The following EDARADD variants were observed in gnomAD, a reference collection of about 807,000 sequenced individuals.
The protein encoded by EDARADD is ectodysplasin-A receptor-associated adapter protein.
Under a neutral mutation model 25.6 loss-of-function variants are expected in EDARADD, and 20 were observed. That is an observed-to-expected ratio of 0.78 (90% CI 0.55 to 1.14). The LOEUF (loss-of-function observed/expected upper bound fraction) is 1.14, where lower values mean the gene tolerates loss of function less well. Among genes scored for constraint, EDARADD ranks in the 50% most tolerant of loss-of-function variants. The pLI, the probability that EDARADD is intolerant of heterozygous loss-of-function variation, is 0.00. For synonymous variants in EDARADD, 86 were observed against 94.4 expected (o/e 0.91, Z 0.52); for missense variants, 225 against 270.1 (o/e 0.83, Z 1.17).
intron 1 of EDARADD, among the ~76,000 whole-genome samples, chr1:236,399,117 T>C (rs1439152440): frequency 6.6e-6 from 1 of 152,250 alleles, no homozygotes; most frequent in Non-Finnish European, 1.5e-5. Context: ...GATGTTTGTA[T>C]ATCCACGTGC....
chr1:236,429,029 G>A (rs187087613), intron 4 of EDARADD, among the ~76,000 whole-genome samples: 2 of 152,182 alleles, frequency 1.3e-5, no homozygotes, highest in African/African-American at 4.8e-5. Context: ...CCAGGCACTC[G>A]GCAGGCTGAG....
In EDARADD at chr1:236,407,904, G is replaced by A. The variant is rs1667765862; in HGVS notation, c.62-1312G>A. ...TAAAGTATCAGAAACAAAATATTGAGAAATCAAGATTATTTTTGATAAAAA... is the reference window on the plus strand; with the variant it reads ...TAAAGTATCAGAAACAAAATATTGAAAAATCAAGATTATTTTTGATAAAAA... On this transcript the variant is annotated intron_variant, in intron 1 of 5. Coordinates refer to ENST00000334232, the MANE Select transcript of EDARADD (RefSeq NM_145861.4). 2.0e-5 allele frequency among the ~76,000 whole-genome samples: 3 copies of A among 152,178 alleles called. No individual in the cohort carries two copies. The South Asian group carries it at 6.2e-4, about 32-fold the overall frequency.
chr1:236,377,479 GT>G (rs1667236743), intron 3 of EDARADD, among the ~76,000 whole-genome samples: 1 of 150,052 alleles, frequency 6.7e-6, no homozygotes, highest in South Asian at 2.2e-4. Context: ...ATTAATAATA[GT>G]TATTTTAAAT....
rs540758495 is a variant in EDARADD, at chr1:236,365,415, C to T, written c.-6+14576C>T. On this transcript the variant is annotated intron_variant, in intron 3 of 7. Transcript: ENST00000439430. ...GGCTTAAGCAGTCCTCCAGCCTTGG[C>T]TTCCCAAAGTTCTAGCATTACAGGC... is the stretch of plus-strand genomic sequence containing the variant. Among the ~76,000 whole-genome samples, 22 of 152,276 alleles carry T rather than the reference C, an allele frequency of 1.4e-4. No homozygotes were observed. In the South Asian group the frequency reaches 4.3e-3, roughly 30 times the overall value.
intron 3 of EDARADD, among the ~76,000 whole-genome samples, chr1:236,383,487 C>T (rs897563421): frequency 1.3e-5 from 2 of 151,892 alleles, no homozygotes; most frequent in African/African-American, 4.8e-5. Flanking sequence ...TCCTTCTTCA[C>T]CTGGTGTGCT....
At chr1:236,399,088 C>G (rs1205388571) in intron 1 of EDARADD, among the ~76,000 whole-genome samples, 1 of 152,098 alleles carries the variant, frequency 6.6e-6, no homozygotes, top group Non-Finnish European at 1.5e-5. Flanking sequence ...ACTAAGTTTT[C>G]TTTGTAAAGT....
intron 2 of EDARADD, among the ~76,000 whole-genome samples, chr1:236,411,462 A>G (rs1250801311): frequency 1.3e-5 from 2 of 151,514 alleles, no homozygotes; most frequent in Non-Finnish European, 2.9e-5. Flanking sequence ...GCACATGACC[A>G]TCTTCTCCCA....
chr1:236,462,672 G>A (rs1412014735), intron 4 of EDARADD, among the ~76,000 whole-genome samples: 2 of 152,168 alleles, frequency 1.3e-5, no homozygotes, highest in Non-Finnish European at 2.9e-5. Flanking sequence ...GCAGAAATGG[G>A]ACTTGACTGT....
intron 2 of EDARADD, among the ~76,000 whole-genome samples, chr1:236,411,524 TTCTTCTTCTTCC>T: frequency 6.6e-6 from 1 of 151,710 alleles, no homozygotes. Flanking sequence ...TTCTTCTTTC[TTCTTCTTCTTCC>T]TCTTCTTCTT....
chr1:236,381,801 C>CTTTTTGTTTTTTTTT (rs1667303486), intron 3 of EDARADD, among the ~76,000 whole-genome samples: 1 of 42,072 alleles, frequency 2.4e-5, no homozygotes, highest in Non-Finnish European at 3.9e-5. Flanking sequence ...CCTGTGGTTG[C>CTTTTTGTTTTTTTTT]TTTTTTTTTT....
At chr1:236,390,941 G>GTTATTATTATTATTA (rs377087092), upstream of EDARADD, among the ~76,000 whole-genome samples, 74,929 of 148,540 alleles carry the variant, frequency 0.5, 21,087 homozygotes, top group Non-Finnish European at 0.62. Flanking sequence ...TCTTGGGTTA[G>GTTATTATTATTATTA]TTGTTATTAT....
chr1:236,466,461 T>A (rs12138289), intron 4 of EDARADD, among the ~76,000 whole-genome samples: 61,845 of 115,490 alleles, frequency 0.54, 13,921 homozygotes, highest in East Asian at 0.63. Context: ...ACACACACAC[T>A]CACACTCACA....
At chr1:236,408,409 G>A (rs960726363) in intron 1 of EDARADD, among the ~76,000 whole-genome samples, 2 of 152,020 alleles carry the variant, frequency 1.3e-5, no homozygotes, top group Non-Finnish European at 1.5e-5. Flanking sequence ...CCCTATGTTG[G>A]ACCAGGCTGA....
At position 236,421,035 on chromosome 1, in the gene EDARADD, G is replaced by GGA. The variant is rs145554164; in HGVS notation, c.161-6354_161-6353dup. Among the ~76,000 whole-genome samples, 5 of 46,436 alleles carry GGA rather than the reference G, an allele frequency of 1.1e-4. No homozygotes were observed. The East Asian group carries it at 1.7e-3, about 16-fold the overall frequency. 30.5% of individuals were successfully genotyped at this position (46,436 alleles called of 152,430 possible). A position where few individuals can be genotyped will look rare whatever the true frequency, so the allele number is the denominator to read the frequency against. On this transcript the variant is annotated intron_variant, in intron 3 of 5. Transcript: ENST00000334232. ...AGGTGTGAGCCACTGTGCCCTGCCA[G>GGA]GAGAATGTGTTTTGATTGTCTCCTC...
At chr1:236,410,670 T>C (rs1657442206) in intron 2 of EDARADD, among the ~76,000 whole-genome samples, 1 of 152,238 alleles carries the variant, frequency 6.6e-6, no homozygotes, top group African/African-American at 2.4e-5. Flanking sequence ...ACATTCCTTC[T>C]GTTCCAGATC....
intron 3 of EDARADD, among the ~76,000 whole-genome samples, chr1:236,355,500 C>CTTTT (rs563976436): frequency 0.028 from 2,032 of 73,152 alleles, 131 homozygotes; most frequent in Non-Finnish European, 0.031. Flanking sequence ...GCTTCTTCTT[C>CTTTT]TTTTTTTTTT....
chr1:236,462,353 G>C (rs1659060086), intron 4 of EDARADD, among the ~76,000 whole-genome samples: 1 of 151,476 alleles, frequency 6.6e-6, no homozygotes, highest in African/African-American at 2.4e-5. Context: ...CACAGCTGAG[G>C]TTTTGGGTTG....
intron 1 of EDARADD, among the ~76,000 whole-genome samples, chr1:236,400,718 CTA>C (rs1667598600): frequency 1.3e-5 from 1 of 79,510 alleles, no homozygotes; most frequent in Admixed American, 1.5e-4. Context: ...CCACACCCGG[CTA>C]TTTTTTTTTT....
chr1:236,478,625 C>T (rs1374006310), intron 5 of EDARADD, among the ~76,000 whole-genome samples: 1 of 152,082 alleles, frequency 6.6e-6, no homozygotes, highest in Non-Finnish European at 1.5e-5. Flanking sequence ...CTCGCTCTGT[C>T]ACCCAGGCTG....
Sources: allele counts gnomAD v4.1 joint callset (sites outside exome capture counted in the v4.1 genomes callset), GRCh38; gene constraint gnomAD v4.1.1; transcripts MANE v1.5; gene names NCBI Gene and HGNC (gene_info 2026-07-23, HGNC 2026-07-21).